SNX29: variants seen among roughly 807,000 people sequenced by gnomAD.
SNX29 encodes the protein sorting nexin-29.
Under a neutral mutation model 102.1 loss-of-function variants are expected in SNX29, and 78 were observed. That is an observed-to-expected ratio of 0.76 (90% CI 0.64 to 0.92). SNX29 has a LOEUF of 0.92. Ranked by LOEUF, SNX29 falls within the 40% of genes least tolerant of loss-of-function variation. The pLI is 0.00. For synonymous variants in SNX29, 580 were observed against 414.5 expected, an observed-to-expected ratio of 1.40 and a Z score of -4.85; for missense variants, 1,280 against 1,061.7, an observed-to-expected ratio of 1.21 and a Z score of -2.86.
chr16:12,346,547 C>T (rs907349074), intron 15 of SNX29, among the ~76,000 whole-genome samples: 7 of 152,128 alleles, frequency 4.6e-5, no homozygotes, highest in Admixed American at 3.9e-4. Context: ...GTTCGCACCA[C>T]GCCGCACACC....
chr16:12,003,220 C>G (rs964443508), intron 3 of SNX29, among the ~76,000 whole-genome samples, 177 bp downstream of exon 3: 3 of 152,146 alleles, frequency 2.0e-5, no homozygotes, highest in Non-Finnish European at 4.4e-5. Context: ...ACCGTGGACT[C>G]TGTGCGGTGA....
rs1289274238 is a variant in SNX29 at position 11,980,965 on chromosome 16, C to CT, written c.7+4165dup. On this transcript the variant is annotated intron_variant, in intron 1 of 20. Transcript: ENST00000566228. ...TGGTTTGTCTTTTCATTTTCATTTT[C>CT]TTTTTTTTTTTTTGAGTTGGAGTCT... Among the ~76,000 whole-genome samples, 507 of 141,862 alleles carry CT rather than the reference C, an allele frequency of 3.6e-3. 1 individual carries two copies. The highest frequency in any genetic ancestry group is 5.1e-3 in the East Asian group (24 of 4,662). 93.1% of individuals were successfully genotyped at this position (141,862 alleles called of 152,430 possible). A position where few individuals can be genotyped will look rare whatever the true frequency, so the allele number is the denominator to read the frequency against.
At chr16:12,132,101 C>CT (rs36096248) in intron 13 of SNX29, among the ~76,000 whole-genome samples, 30,889 of 142,820 alleles carry the variant, frequency 0.22, 3,549 homozygotes, top group East Asian at 0.47. Flanking sequence ...TATGCCCTGT[C>CT]TTTTTTTTTT....
At chr16:12,556,611 G>C (rs374619348) in intron 20 of SNX29, 5 of 152,326 alleles carry the variant, frequency 3.3e-5, no homozygotes, top group African/African-American at 1.2e-4. Context: ...CTGAGGAAGG[G>C]TCAAGGCAAG....
At chr16:12,224,174 G>C (rs957347901) in intron 14 of SNX29, among the ~76,000 whole-genome samples, 1 of 152,090 alleles carries the variant, frequency 6.6e-6, no homozygotes, top group Non-Finnish European at 1.5e-5. Context: ...GTAGGTTATT[G>C]GGGCACCTGG....
intron 9 of SNX29, among the ~76,000 whole-genome samples, chr16:12,065,305 C>T (rs935554617): frequency 3.3e-5 from 5 of 152,156 alleles, no homozygotes; most frequent in Admixed American, 3.3e-4. Context: ...AATTCACCAG[C>T]ATTGCTTTCC....
chr16:12,167,884 G>T (rs544648353), intron 13 of SNX29, among the ~76,000 whole-genome samples: 1 of 152,334 alleles, frequency 6.6e-6, no homozygotes, highest in Admixed American at 6.5e-5. Context: ...TTGGCAGCTT[G>T]CATGTGGCAG....
chr16:12,226,704 G>T (rs2077621082), intron 14 of SNX29, among the ~76,000 whole-genome samples: 1 of 151,812 alleles, frequency 6.6e-6, no homozygotes, highest in South Asian at 2.1e-4. Flanking sequence ...CTCCCGAGTA[G>T]CCGGGATTAC....
chr16:12,280,196 G>T (rs774974760), intron 15 of SNX29, among the ~76,000 whole-genome samples: 19 of 152,196 alleles, frequency 1.2e-4, no homozygotes, highest in Non-Finnish European at 2.4e-4. Flanking sequence ...CAGAGGCTGA[G>T]TACAAGGAAA....
intron 17 of SNX29, 142 bp downstream of exon 17, chr16:12,398,643 G>A: frequency 4.4e-6 from 4 of 900,128 alleles, no homozygotes; most frequent in Middle Eastern, 3.2e-4. Context: ...AGAGCTGGTA[G>A]GAGTCGCTCT....
chr16:12,513,088 C>G (rs2089704623), intron 19 of SNX29, among the ~76,000 whole-genome samples: 1 of 152,058 alleles, frequency 6.6e-6, no homozygotes. Context: ...TGCATCCTGC[C>G]CTGCGTACCC....
rs1428235389 is a variant in SNX29, at chr16:12,524,746, C to G, written c.2223C>G (p.Tyr741Ter). ...VEERRKQLQN[Y>*]LRSVMNKVIQ... ...AACGGAGAAAGCAGCTCCAGAATTA[C>G]CTGCGCAGCGTCATGAACAAAGTCA... is the stretch of plus-strand genomic sequence containing the variant. Residue 741 changes from tyrosine to a stop codon, truncating the protein, a stop_gained, in exon 20 of 21, where the codon TAC becomes TAG. Transcript: ENST00000566228. LOFTEE classifies it high-confidence loss of function. 6.2e-7 allele frequency: 1 copy of G among 1,613,586 alleles called. No individual in the cohort carries two copies. The highest frequency in any genetic ancestry group is 8.5e-7 in the Non-Finnish European group (1 of 1,179,746).
rs1454159097 is a variant in SNX29 at position 12,319,211 on chromosome 16, T to A, written c.1783-36952T>A. On this transcript the variant is annotated intron_variant, in intron 15 of 20. Coordinates refer to ENST00000566228, the MANE Select transcript of SNX29 (RefSeq NM_032167.5). ...TTTAACTTAACCACTCAGTCAGTGC[T>A]GACACAATTGTTATAGAGGCCTGTG... Among the ~76,000 whole-genome samples, 4 of 152,192 alleles carry A rather than the reference T, an allele frequency of 2.6e-5. No individual in the cohort carries two copies. In the East Asian group the frequency reaches 7.7e-4, roughly 29 times the overall value.
intron 8 of SNX29, among the ~76,000 whole-genome samples, chr16:12,059,423 G>A (rs1207565989): frequency 3.9e-5 from 6 of 152,242 alleles, no homozygotes; most frequent in Non-Finnish European, 8.8e-5. Flanking sequence ...GCTCCTGCCA[G>A]GACAGTCGCG....
intron 8 of SNX29, chr16:12,052,501 G>A (rs2050349552): frequency 1.1e-5 from 4 of 378,708 alleles, no homozygotes; most frequent in African/African-American, 2.1e-5. Context: ...ACAGGCATGA[G>A]CCACCACGCC....
At chr16:12,007,379 C>T (rs935956133) in intron 3 of SNX29, among the ~76,000 whole-genome samples, 15 of 152,170 alleles carry the variant, frequency 9.9e-5, no homozygotes, top group African/African-American at 3.6e-4. Context: ...GTGGTGCCCA[C>T]CTGTAATCCC....
At chr16:12,550,520 G>A (rs1213782062) in intron 20 of SNX29, among the ~76,000 whole-genome samples, 2 of 134,358 alleles carry the variant, frequency 1.5e-5, no homozygotes, top group African/African-American at 6.0e-5. Context: ...GGGAGACACA[G>A]TCTCAATCTA....
At chr16:12,078,495 G>C (rs1005939682) in intron 10 of SNX29, among the ~76,000 whole-genome samples, 9 of 152,284 alleles carry the variant, frequency 5.9e-5, no homozygotes, top group African/African-American at 2.2e-4. Context: ...CAGCAAAGAG[G>C]ATGCTTGTTT....
intron 15 of SNX29, among the ~76,000 whole-genome samples, chr16:12,285,977 T>G (rs2079582640): frequency 6.6e-6 from 1 of 152,064 alleles, no homozygotes; most frequent in South Asian, 2.1e-4. Context: ...TGCTTCCCCC[T>G]CCACAGTAGC....
Sources: allele counts gnomAD v4.1 joint callset (sites outside exome capture counted in the v4.1 genomes callset), GRCh38; gene constraint gnomAD v4.1.1; transcripts MANE v1.5; gene names NCBI Gene and HGNC (gene_info 2026-07-23, HGNC 2026-07-21).